SLC30A4: variants seen among roughly 807,000 people sequenced by gnomAD.
SLC30A4 encodes the protein solute carrier family 30 member 4, also known as probable proton-coupled zinc antiporter SLC30A4.
Under a neutral mutation model 41.7 loss-of-function variants are expected in SLC30A4, and 20 were observed. The ratio of observed to expected loss-of-function variants is 0.48; its 90% CI spans 0.34 to 0.70. SLC30A4 has a LOEUF of 0.70. SLC30A4 is among the 30% of genes least tolerant of loss of function. The pLI, the probability that SLC30A4 is intolerant of heterozygous loss-of-function variation, is 0.01. For synonymous variants in SLC30A4, 181 were observed against 195.9 expected (o/e 0.92, Z 0.64); for missense variants, 441 against 529.3 (o/e 0.83, Z 1.64).
At chr15:45,486,110 CT>C (rs1891699865) in intron 7 of SLC30A4, among the ~76,000 whole-genome samples, 1 of 146,430 alleles carries the variant, frequency 6.8e-6, no homozygotes, top group Non-Finnish European at 1.5e-5. Context: ...GCAACCTCCG[CT>C]TCATGAGTTC....
chr15:45,517,813 T>TG (rs1380902227), intron 2 of SLC30A4, among the ~76,000 whole-genome samples: 4 of 151,596 alleles, frequency 2.6e-5, no homozygotes, highest in East Asian at 3.9e-4. Flanking sequence ...CTAGGCGCGG[T>TG]GGGGGGCGCC....
In SLC30A4 at chr15:45,487,644, T is replaced by C. The variant is rs1891730424; in HGVS notation, c.895-12A>G. On this transcript the variant is annotated splice_polypyrimidine_tract_variant and intron_variant, in intron 5 of 7. Coordinates refer to ENST00000261867, the MANE Select transcript of SLC30A4 (RefSeq NM_013309.6). ...ATCTTGTATTCTGGCTAAAGGGTAA[T>C]AGATCAAAATTTATGATTAAATAGA... 4 of 1,244,218 alleles carry C rather than the reference T, an allele frequency of 3.2e-6. No individual in the cohort carries two copies. Among genetic ancestry groups the C allele is most frequent in the Middle Eastern group, 1.9e-4 (1 of 5,258 alleles). The allele number at this position is 1,244,218 out of a possible 1,614,324, so 77.1% of individuals were successfully genotyped here. A position where few individuals can be genotyped will look rare whatever the true frequency, so the allele number is the denominator to read the frequency against.
At chr15:45,489,514 G>A (rs2140814563) in intron 4 of SLC30A4, among the ~76,000 whole-genome samples, 1 of 151,036 alleles carries the variant, frequency 6.6e-6, no homozygotes, top group Middle Eastern at 3.4e-3. Context: ...AGCCACTGTG[G>A]GCCAGAATAA....
chr15:45,506,150 T>A (rs977463198), intron 3 of SLC30A4, among the ~76,000 whole-genome samples: 15 of 151,884 alleles, frequency 9.9e-5, no homozygotes, highest in African/African-American at 3.4e-4. Flanking sequence ...GCCTAGGAGG[T>A]CAAGGATGCA....
intron 3 of SLC30A4, among the ~76,000 whole-genome samples, chr15:45,491,808 G>A (rs1211120866): frequency 6.6e-6 from 1 of 151,812 alleles, no homozygotes; most frequent in Non-Finnish European, 1.5e-5. Flanking sequence ...GGTCGAGGCT[G>A]CAGTGAACCG....
At chr15:45,490,688 C>G (rs1225088585) in intron 4 of SLC30A4, 40 bp downstream of exon 4, 1 of 1,421,568 alleles carries the variant, frequency 7.0e-7, no homozygotes, top group East Asian at 2.3e-5. Flanking sequence ...TCTGAGTTCA[C>G]AGTACTTGAA....
At chr15:45,489,696 C>A (rs1238717021) in intron 4 of SLC30A4, among the ~76,000 whole-genome samples, 1 of 151,368 alleles carries the variant, frequency 6.6e-6, no homozygotes, top group Non-Finnish European at 1.5e-5. Flanking sequence ...GTACAGCACA[C>A]CAACATGGCA....
Position 45,482,813 on chromosome 15 carries a change from A to G in SLC30A4, c.*2350T>C, listed in dbSNP as rs1891623355. The G allele has an allele frequency of 1.3e-5, 2 of 152,066 alleles. No individual in the cohort carries two copies. The highest frequency in any genetic ancestry group is 6.6e-5 in the Admixed American group (1 of 15,260). 9.4% of individuals were successfully genotyped at this position (152,066 alleles called of 1,614,324 possible). A position where few individuals can be genotyped will look rare whatever the true frequency, so the allele number is the denominator to read the frequency against. On this transcript the variant is annotated 3_prime_UTR_variant, in exon 8 of 8. Coordinates refer to ENST00000261867, the MANE Select transcript of SLC30A4 (RefSeq NM_013309.6). ...TTTTCTTTTCCTTTTTGTTTTTGAGATAGGGTCTCATTTTGTTACTCAGGC... is the reference window on the plus strand; with the variant it reads ...TTTTCTTTTCCTTTTTGTTTTTGAGGTAGGGTCTCATTTTGTTACTCAGGC...
Position 45,509,404 on chromosome 15 carries a change from C to T in SLC30A4, c.538+1734G>A, listed in dbSNP as rs1199852814. 1.1e-4 allele frequency among the ~76,000 whole-genome samples: 17 copies of T among 152,002 alleles called. 1 individual carries two copies. The highest frequency in any genetic ancestry group is 1.0e-3 in the Admixed American group (16 of 15,248). On this transcript the variant is annotated intron_variant, in intron 3 of 7. Coordinates refer to ENST00000261867, the MANE Select transcript of SLC30A4 (RefSeq NM_013309.6). ...GAGTAGCTGGGATTACAGGCGTGCA[C>T]CACCATGCCCAGCTAATTTCTGTAT...
intron 3 of SLC30A4, among the ~76,000 whole-genome samples, chr15:45,492,738 A>T (rs955310306): frequency 2.0e-5 from 3 of 151,234 alleles, no homozygotes; most frequent in Non-Finnish European, 4.4e-5. Context: ...CCATTTGTAT[A>T]AAAAAAAAGA....
At chr15:45,508,191 T>A (rs1169976844) in intron 3 of SLC30A4, among the ~76,000 whole-genome samples, 1 of 152,054 alleles carries the variant, frequency 6.6e-6, no homozygotes, top group African/African-American at 2.4e-5. Context: ...GATGAGTAGG[T>A]GGAGAATCAG....
At chr15:45,496,846 TAAATAAATAAATAAATAAATAAATAAATA>T (rs1305413667) in intron 3 of SLC30A4, among the ~76,000 whole-genome samples, 1 of 146,748 alleles carries the variant, frequency 6.8e-6, no homozygotes, top group Non-Finnish European at 1.5e-5. Context: ...TATAAATAAA[TAAATAAATAAATAAATAAATAAATAAATA>T]AAATAAATAG....
intron 2 of SLC30A4, among the ~76,000 whole-genome samples, chr15:45,517,486 T>C (rs1432394771): frequency 6.6e-6 from 1 of 150,410 alleles, no homozygotes. Flanking sequence ...CCCGAGTAGC[T>C]GGGATTACAG....
chr15:45,487,815 G>A (rs1891732875), intron 5 of SLC30A4, among the ~76,000 whole-genome samples, 183 bp from the exon 6 acceptor site: 1 of 152,100 alleles, frequency 6.6e-6, no homozygotes, highest in Non-Finnish European at 1.5e-5. Flanking sequence ...TACGTTACTT[G>A]CCTCATGGGA....
chr15:45,504,829 G>A lies in SLC30A4; in HGVS notation c.538+6309C>T, dbSNP rs1011761448. Among the ~76,000 whole-genome samples, 3 of 152,176 alleles carry A rather than the reference G, an allele frequency of 2.0e-5. No homozygotes were observed. In the East Asian group the frequency reaches 5.8e-4, roughly 29 times the overall value. On this transcript the variant is annotated intron_variant, in intron 3 of 7. Coordinates refer to ENST00000261867, the MANE Select transcript of SLC30A4 (RefSeq NM_013309.6). ...AGGTAACTTGCCCAAGGTCAAACTG[G>A]TAGGAAGTTAGGGAGCCAGAGCTTG... is the stretch of plus-strand genomic sequence containing the variant.
intron 2 of SLC30A4, 141 bp downstream of exon 2, chr15:45,521,823 G>A (rs572508077): frequency 1.3e-6 from 1 of 771,710 alleles, no homozygotes; most frequent in Non-Finnish European, 2.1e-6. Flanking sequence ...GGAACCGTGT[G>A]GCCTTTTCAC....
rs1296067593 is a variant in SLC30A4 at position 45,484,203 on chromosome 15, T to C, written c.*960A>G. ...GGCTAAACACACAGATGACCTGGAG[T>C]GGAGGCAGGAACCAACGTACCACAT... On this transcript the variant is annotated 3_prime_UTR_variant, in exon 8 of 8. Coordinates refer to ENST00000261867, the MANE Select transcript of SLC30A4 (RefSeq NM_013309.6). 3.9e-5 allele frequency: 6 copies of C among 152,452 alleles called. No homozygotes were observed. The highest frequency in any genetic ancestry group is 3.4e-3 in the Middle Eastern group (1 of 294). The allele number at this position is 152,452 out of a possible 1,614,324, so 9.4% of individuals were successfully genotyped here.
intron 3 of SLC30A4, among the ~76,000 whole-genome samples, chr15:45,507,189 G>A (rs999768638): frequency 7.9e-5 from 12 of 151,900 alleles, no homozygotes; most frequent in Middle Eastern, 3.4e-3. Flanking sequence ...GAGTGGCGGC[G>A]GGCCCCTGTA....
At chr15:45,518,298 T>C (rs979989433) in intron 2 of SLC30A4, among the ~76,000 whole-genome samples, 4 of 152,216 alleles carry the variant, frequency 2.6e-5, no homozygotes, top group Non-Finnish European at 4.4e-5. Flanking sequence ...TTCTTTTTCT[T>C]CCTAGTACTT....
Sources: gnomAD v4.1 joint callset for allele counts (sites outside exome capture counted in the v4.1 genomes callset) on GRCh38, gnomAD v4.1.1 for gene constraint, MANE v1.5 for transcripts, NCBI Gene and HGNC (gene_info 2026-07-23, HGNC 2026-07-21) for gene names.